IFT172: variants seen among roughly 807,000 people sequenced by gnomAD.
IFT172 encodes the protein intraflagellar transport 172.
In IFT172, 164 loss-of-function variants were observed where a neutral mutation model predicts 248.9. That is an observed-to-expected ratio of 0.66 (90% CI 0.58 to 0.75). IFT172 has a LOEUF of 0.75. Ranked by LOEUF, IFT172 falls within the 30% of genes least tolerant of loss-of-function variation. IFT172 has a pLI of 0.00. For missense variants in IFT172, 1,950 were observed against 2,192.4 expected (o/e 0.89, Z 2.21); for synonymous variants, 729 against 791.6 (o/e 0.92, Z 1.33).
At chr2:27,484,192 C>T in intron 4 of IFT172, 35 bp downstream of exon 4, 1 of 1,613,620 alleles carries the variant, frequency 6.2e-7, no homozygotes. Context: ...TATGTTTGTT[C>T]ATCCTAAGGT....
chr2:27,444,412 C>T lies in IFT172; in HGVS notation c.*20G>A, dbSNP rs746100848. 3 of 1,543,938 alleles carry T rather than the reference C, an allele frequency of 1.9e-6. No homozygotes were observed. The highest frequency in any genetic ancestry group is 2.7e-5 in the African/African-American group (2 of 73,338). On this transcript the variant is annotated 3_prime_UTR_variant, in exon 48 of 48. Transcript: ENST00000260570. ...AACTTTAATGAGGGAGAGGCCCTAA[C>T]TCTTCCTCAGCTCTACCAACTACTG... is the stretch of plus-strand genomic sequence containing the variant.
At position 27,489,674 on chromosome 2, in the gene IFT172, A is replaced by T; in HGVS notation, c.-21T>A. 6.2e-7 allele frequency: 1 copy of T among 1,604,718 alleles called. No individual in the cohort carries two copies. On this transcript the variant is annotated 5_prime_UTR_variant, in exon 1 of 48. Transcript: ENST00000260570. ...TGCATGACGCACACCTGTCTTTCAGATGCTCCTAGACAGCGACAACTCCCG... is the reference window on the plus strand; with the variant it reads ...TGCATGACGCACACCTGTCTTTCAGTTGCTCCTAGACAGCGACAACTCCCG...
chr2:27,469,732 T>C (rs1052524022), intron 16 of IFT172, among the ~76,000 whole-genome samples: 1 of 152,188 alleles, frequency 6.6e-6, no homozygotes, highest in Non-Finnish European at 1.5e-5. Context: ...CTTGGGATGC[T>C]GAGGCAGGAG....
intron 16 of IFT172, among the ~76,000 whole-genome samples, chr2:27,468,577 C>T (rs1450486713): frequency 1.3e-5 from 2 of 151,954 alleles, no homozygotes; most frequent in African/African-American, 4.8e-5. Flanking sequence ...AGGCCAGGCA[C>T]GATGGTTAAC....
In IFT172 at chr2:27,480,096, G is replaced by A. The variant is rs1279126964; in HGVS notation, c.839C>T (p.Pro280Leu). 6.2e-7 allele frequency: 1 copy of A among 1,614,050 alleles called. No individual in the cohort carries two copies. The highest frequency in any genetic ancestry group is 1.1e-5 in the South Asian group (1 of 91,082). Residue 280 changes from proline (P) to leucine (L), a missense_variant, in exon 9 of 48, where the codon CCC (proline) becomes CTC (leucine). Pro to Leu is a moderately conservative substitution (Grantham distance 98). Around this residue, in one of 3 missense-constraint regions of IFT172, gnomAD observed 1,166 missense variants for 1,254.1 expected, o/e 0.93. Transcript: ENST00000260570. The part of the protein sequence containing the change: ...PRRSIWEEAK[P>L]KEITNLYTIT... ...GGTGTATAAATTGGTAATCTCCTTG[G>A]GCTTTGCCTCTTCCCAGATGCTTCT...
At chr2:27,453,853 C>T in intron 33 of IFT172, 114 bp from the exon 34 acceptor site, 1 of 1,377,800 alleles carries the variant, frequency 7.3e-7, no homozygotes, top group South Asian at 1.3e-5. Context: ...TTCTCCTCCT[C>T]TTTCCTGTCT....
chr2:27,455,966 C>T (rs963468676), intron 30 of IFT172: 1 of 247,942 alleles, frequency 4.0e-6, no homozygotes, highest in Admixed American at 5.4e-5. Flanking sequence ...GTAATCTCAG[C>T]ACTTTGGGAG....
chr2:27,459,194 A>G, intron 25 of IFT172, 184 bp downstream of exon 25: 1 of 729,634 alleles, frequency 1.4e-6, no homozygotes, highest in Non-Finnish European at 2.2e-6. Context: ...GTGAAGGGCG[A>G]TATCTGTGTC....
intron 40 of IFT172, among the ~76,000 whole-genome samples, chr2:27,448,515 T>A (rs1036056025): frequency 6.6e-6 from 1 of 152,214 alleles, no homozygotes; most frequent in Non-Finnish European, 1.5e-5. Flanking sequence ...TGGTGCTGTG[T>A]GAGTGTGGGC....
rs186303579 is a variant in IFT172 at position 27,474,051 on chromosome 2, G to A, written c.1412-1689C>T. On this transcript the variant is annotated intron_variant, in intron 14 of 47. Transcript: ENST00000260570. Reference sequence around the variant, plus strand: ...TCGAACTCCTGACCTCAGGTGATCCGCCCGCCTCGGCCTCTCAAAGTATTG... The same window carrying A: ...TCGAACTCCTGACCTCAGGTGATCCACCCGCCTCGGCCTCTCAAAGTATTG... 1.9e-4 allele frequency among the ~76,000 whole-genome samples: 29 copies of A among 152,152 alleles called. No homozygotes were observed. The East Asian group carries it at 5.0e-3, about 26-fold the overall frequency.
intron 30 of IFT172, chr2:27,455,760 C>A (rs912251767): frequency 2.2e-6 from 1 of 449,220 alleles, no homozygotes; most frequent in Middle Eastern, 8.1e-4. Context: ...TCCCATCCTG[C>A]CAGTTTGGTT....
In IFT172 at chr2:27,445,557, T is replaced by C; in HGVS notation, c.4915-108A>G. The C allele has an allele frequency of 7.3e-7, 1 of 1,364,636 alleles. No individual in the cohort carries two copies. Among genetic ancestry groups the C allele is most frequent in the Non-Finnish European group, 1.0e-6 (1 of 1,003,024 alleles). The allele number at this position is 1,364,636 out of a possible 1,614,324, so 84.5% of individuals were successfully genotyped here. A position where few individuals can be genotyped will look rare whatever the true frequency, so the allele number is the denominator to read the frequency against. The stretch of plus-strand genomic sequence containing the variant: ...CTAAGCCCTCATCCTGTATACCAGC[T>C]TTTAGCCACGAATCCTCCTTGGATT... On this transcript the variant is annotated intron_variant, in intron 45 of 47. Coordinates refer to ENST00000260570, the MANE Select transcript of IFT172 (RefSeq NM_015662.3). This position sits in a 1 kb window ranked among gnomAD's most constrained non-coding sequence, Gnocchi z 4.4.
rs533224385 is a variant in IFT172 at position 27,456,410 on chromosome 2, T to C, written c.3371+101A>G. 3 of 1,450,104 alleles carry C rather than the reference T, an allele frequency of 2.1e-6. No individual in the cohort carries two copies. The East Asian group carries it at 6.8e-5, about 33-fold the overall frequency. 89.8% of individuals were successfully genotyped at this position (1,450,104 alleles called of 1,614,324 possible). ...AATTTATTCATGCCACTCTATCATGTCCTTCCAAGGATCTTTCTTTCAGTT... is the reference window on the plus strand; with the variant it reads ...AATTTATTCATGCCACTCTATCATGCCCTTCCAAGGATCTTTCTTTCAGTT... On this transcript the variant is annotated intron_variant, in intron 30 of 47. Coordinates refer to ENST00000260570, the MANE Select transcript of IFT172 (RefSeq NM_015662.3).
At chr2:27,444,661 G>T in intron 47 of IFT172, 140 bp from the exon 48 acceptor site, 1 of 705,756 alleles carries the variant, frequency 1.4e-6, no homozygotes, top group Non-Finnish European at 2.4e-6. Flanking sequence ...TTTTTTGTTT[G>T]TTTTGAGACA....
At chr2:27,453,125 T>C (rs1476473199) in intron 35 of IFT172, 14 of 600,142 alleles carry the variant, frequency 2.3e-5, no homozygotes, top group Middle Eastern at 8.4e-4. Flanking sequence ...CACTTTAGTC[T>C]TTACTCAGAT....
At chr2:27,467,589 C>T (rs1289005745) in intron 16 of IFT172, among the ~76,000 whole-genome samples, 2 of 116,438 alleles carry the variant, frequency 1.7e-5, no homozygotes, top group East Asian at 4.8e-4. Context: ...TCCAGCATGG[C>T]GCAACAGAAT....
chr2:27,472,002 C>G, intron 15 of IFT172: 1 of 558,276 alleles, frequency 1.8e-6, no homozygotes, highest in Non-Finnish European at 3.2e-6. Context: ...TGTACCACTG[C>G]ACTCCAGCCT....
At chr2:27,458,491 G>C (rs1000608331) in intron 26 of IFT172, among the ~76,000 whole-genome samples, 2 of 152,116 alleles carry the variant, frequency 1.3e-5, no homozygotes, top group African/African-American at 4.8e-5. Flanking sequence ...AAGTGTAGGC[G>C]CAAGAACAAA....
chr2:27,474,839 A>C (rs939388263), intron 14 of IFT172, among the ~76,000 whole-genome samples: 2 of 150,664 alleles, frequency 1.3e-5, no homozygotes, highest in African/African-American at 2.4e-5. Context: ...GGCATAAGTC[A>C]CTGTGCCCGG....
Sources: gnomAD v4.1 joint callset for allele counts (sites outside exome capture counted in the v4.1 genomes callset) on GRCh38, gnomAD v4.1.1 for gene constraint, gnomAD v4.1.1 regional missense constraint, Gnocchi (gnomAD v3.1) non-coding constraint, MANE v1.5 for transcripts, NCBI Gene and HGNC (gene_info 2026-07-23, HGNC 2026-07-21) for gene names.